Variants in NFU1 observed in about 807,000 individuals in gnomAD.
The protein encoded by NFU1 is NFU1 iron-sulfur cluster scaffold homolog, mitochondrial.
Under a neutral mutation model 32.2 loss-of-function variants are expected in NFU1, and 30 were observed. That is an observed-to-expected ratio of 0.93 (90% CI 0.70 to 1.26). The LOEUF is 1.26. Ranked by LOEUF, NFU1 falls within the 50% of genes most tolerant of loss-of-function variation. The probability of loss-of-function intolerance (pLI) is 0.00; values close to 1 mark genes in which losing one functional copy is unlikely to be tolerated. For synonymous variants in NFU1, 112 were observed against 104.6 expected, an observed-to-expected ratio of 1.07 and a Z score of -0.43; for missense variants, 306 against 306.6, an observed-to-expected ratio of 1.00 and a Z score of 0.02.
At chr2:69,419,755 T>C (rs1574136375) in intron 3 of NFU1, 151 bp from the exon 4 acceptor site, 7 of 625,928 alleles carry the variant, frequency 1.1e-5, no homozygotes, top group East Asian at 8.4e-5. Context: ...TTTATATTCC[T>C]ACTCTACGAT....
chr2:69,419,602 T>G lies in NFU1; in HGVS notation c.305A>C (p.Gln102Pro), dbSNP rs778924871. ...AAAFRSPLAR[Q>P]LFRIEGVKSV... ...TTTTACTCCTTCAATCCTAAATAAC[T>G]GCCTGCAAAAAAAGAAAAAATAAGA... The change falls in exon 4 of 8, where the codon CAG becomes CCG. Residue 102 changes from glutamine to proline, a missense_variant and splice_region_variant. Physicochemically the swap from Gln to Pro is moderately conservative, Grantham distance 76. Transcript: ENST00000410022. 3.2e-6 allele frequency: 5 copies of G among 1,573,252 alleles called. No homozygotes were observed. In the African/African-American group the frequency reaches 6.8e-5, roughly 21 times the overall value.
downstream of NFU1, chr2:69,395,921 T>C (rs533274174): frequency 9.0e-4 from 197 of 217,920 alleles, no homozygotes; most frequent in African/African-American, 4.3e-3. Flanking sequence ...TAAAAAGCAT[T>C]CTGTTTCTTC....
intron 6 of NFU1, 42 bp downstream of exon 6, chr2:69,405,980 C>T (rs778662467): frequency 4.8e-6 from 6 of 1,257,626 alleles, no homozygotes; most frequent in South Asian, 1.2e-5. Context: ...ATGAAAAATG[C>T]CTCCAAAGCA....
In NFU1 at chr2:69,397,244, AAAAC is replaced by A. The variant is rs548847290; in HGVS notation, c.721-958_721-955del. Among the ~76,000 whole-genome samples the A allele has an allele frequency of 3.0e-3, 459 of 152,290 alleles. 3 individuals carry two copies. Among genetic ancestry groups the A allele is most frequent in the African/African-American group, 8.7e-3 (362 of 41,564 alleles). On this transcript the variant is annotated intron_variant, in intron 7 of 7. Transcript: ENST00000410022. The stretch of plus-strand genomic sequence containing the variant: ...TAAAATGAATCCCCAAGGAAAGTGA[AAAAC>A]AAAACAAAACAAAAAAACCCCACCA...
At chr2:69,425,624 G>A (rs1189395845) in intron 2 of NFU1, among the ~76,000 whole-genome samples, 1 of 151,976 alleles carries the variant, frequency 6.6e-6, no homozygotes, top group East Asian at 1.9e-4. Context: ...CAAAGTGGTG[G>A]GATTACAGGT....
At chr2:69,405,356 A>G (rs1306843160) in intron 6 of NFU1, among the ~76,000 whole-genome samples, 1 of 152,148 alleles carries the variant, frequency 6.6e-6, no homozygotes, top group Non-Finnish European at 1.5e-5. Context: ...CTTCCCATCT[A>G]AACAAATTTT....
chr2:69,428,698 AT>A (rs200416463), intron 2 of NFU1, among the ~76,000 whole-genome samples: 3,373 of 152,348 alleles, frequency 0.022, 49 homozygotes, highest in Non-Finnish European at 0.033. Context: ...TAATAGGAAA[AT>A]ACATTTAAGA....
intron 4 of NFU1, among the ~76,000 whole-genome samples, chr2:69,416,382 A>ATTG (rs1367715554): frequency 6.7e-6 from 1 of 148,422 alleles, no homozygotes; most frequent in African/African-American, 2.5e-5. Context: ...TAATATTATT[A>ATTG]TTAATTCATT....
chr2:69,423,591 G>A lies in NFU1; in HGVS notation c.293C>T (p.Pro98Leu), dbSNP rs1018582476. The A allele has an allele frequency of 2.5e-6, 4 of 1,613,472 alleles. No homozygotes were observed. The highest frequency in any genetic ancestry group is 1.1e-5 in the South Asian group (1 of 91,030). The change falls in exon 3 of 8, where the codon CCT becomes CTT. Residue 98 changes from proline (P) to leucine (L), a missense_variant. Physicochemically the swap from Pro to Leu is moderately conservative, Grantham distance 98. Transcript: ENST00000410022. The stretch of plus-strand genomic sequence containing the variant: ...GAAAACAGTAATATACCTAGCCAGA[G>A]GGGAGCGAAATGCTGCAGCTGGGGT... Reference protein sequence around the residue: ...FPTPAAAFRSPLARQLFRIEG... With the variant: ...FPTPAAAFRSLLARQLFRIEG...
intron 5 of NFU1, among the ~76,000 whole-genome samples, chr2:69,413,771 G>A (rs964912989): frequency 1.0e-4 from 15 of 143,362 alleles, no homozygotes; most frequent in African/African-American, 2.9e-4. Flanking sequence ...AAATAAGGCC[G>A]GGCACGATGG....
chr2:69,424,563 T>C (rs1047814242), intron 2 of NFU1, among the ~76,000 whole-genome samples: 2 of 152,146 alleles, frequency 1.3e-5, no homozygotes, highest in Non-Finnish European at 2.9e-5. Flanking sequence ...CTGTTGGGAT[T>C]AGAGTGTGAG....
At chr2:69,408,735 TA>T (rs1383053376) in intron 5 of NFU1, among the ~76,000 whole-genome samples, 6 of 2,474 alleles carry the variant, frequency 2.4e-3, no homozygotes, top group Non-Finnish European at 5.8e-4. Flanking sequence ...TATAAAATTT[TA>T]TATATATATA....
upstream of NFU1, among the ~76,000 whole-genome samples, chr2:69,438,011 A>C (rs922797517): frequency 2.0e-5 from 3 of 152,082 alleles, no homozygotes; most frequent in Non-Finnish European, 4.4e-5. Flanking sequence ...GATTAACATG[A>C]GACTTGACTA....
At chr2:69,412,752 G>C (rs1672927800) in intron 5 of NFU1, among the ~76,000 whole-genome samples, 1 of 151,818 alleles carries the variant, frequency 6.6e-6, no homozygotes, top group African/African-American at 2.4e-5. Context: ...CAGCTACTTG[G>C]GAGACAGAGG....
At chr2:69,420,150 C>G (rs913295753) in intron 3 of NFU1, among the ~76,000 whole-genome samples, 1 of 152,060 alleles carries the variant, frequency 6.6e-6, no homozygotes, top group Admixed American at 6.6e-5. Flanking sequence ...GGATTACAGG[C>G]GCCCACCACC....
At chr2:69,413,625 G>A (rs185160449) in intron 5 of NFU1, among the ~76,000 whole-genome samples, 1,746 of 152,262 alleles carry the variant, frequency 0.011, 31 homozygotes, top group African/African-American at 0.04. Context: ...TGGGCGTGGT[G>A]GTGCATGCCT....
intron 5 of NFU1, among the ~76,000 whole-genome samples, chr2:69,414,199 A>G (rs1005497070): frequency 1.3e-5 from 2 of 152,232 alleles, no homozygotes; most frequent in Admixed American, 6.5e-5. Flanking sequence ...CAAATTAACT[A>G]TATCTTATTC....
At chr2:69,425,068 C>T (rs1356826679) in intron 2 of NFU1, among the ~76,000 whole-genome samples, 2 of 151,744 alleles carry the variant, frequency 1.3e-5, no homozygotes, top group African/African-American at 4.8e-5. Flanking sequence ...TTAGTAGAGA[C>T]GGGGTTTCAC....
In NFU1 at chr2:69,397,582, AT is replaced by A. The variant is rs199856748; in HGVS notation, c.721-1293del. Among the ~76,000 whole-genome samples, 820 of 149,816 alleles carry A rather than the reference AT, an allele frequency of 5.5e-3. 5 individuals are homozygous for A. The highest frequency in any genetic ancestry group is 0.02 in the African/African-American group (786 of 40,208). ...CAACTAACATAATTTTTTAAGGCATATAGATGATAATGGAACAAAGTAAGGT... is the reference window on the plus strand; with the variant it reads ...CAACTAACATAATTTTTTAAGGCATAAGATGATAATGGAACAAAGTAAGGT... On this transcript the variant is annotated intron_variant, in intron 7 of 7. Coordinates refer to ENST00000410022, the MANE Select transcript of NFU1 (RefSeq NM_001002755.4).
Sources: allele counts gnomAD v4.1 joint callset (sites outside exome capture counted in the v4.1 genomes callset), GRCh38; gene constraint gnomAD v4.1.1; transcripts MANE v1.5; gene names NCBI Gene and HGNC (gene_info 2026-07-23, HGNC 2026-07-21).